The following EPHA5 variants were observed in gnomAD, a reference collection of about 807,000 sequenced individuals.
The protein encoded by EPHA5 is EPH receptor A5.
A neutral mutation model predicts 105.0 loss-of-function variants in EPHA5; 60 were observed. The ratio of observed to expected loss-of-function variants is 0.57; its 90% CI spans 0.46 to 0.71. The LOEUF (loss-of-function observed/expected upper bound fraction) is 0.71, where lower values mean the gene tolerates loss of function less well. Ranked by LOEUF, EPHA5 falls within the 30% of genes least tolerant of loss-of-function variation. EPHA5 has a pLI of 0.00. For missense variants in EPHA5, 1,218 were observed against 1,274.7 expected, an observed-to-expected ratio of 0.96 and a Z score of 0.68; for synonymous variants, 513 against 449.1, an observed-to-expected ratio of 1.14 and a Z score of -1.80.
chr4:65,354,065 T>G (rs1723078501), intron 11 of EPHA5, among the ~76,000 whole-genome samples: 1 of 151,736 alleles, frequency 6.6e-6, no homozygotes, highest in Non-Finnish European at 1.5e-5. Context: ...TCAATTCTTA[T>G]CTCTGTGCCT....
At chr4:65,536,766 A>T (rs1308772707) in intron 3 of EPHA5, among the ~76,000 whole-genome samples, 1 of 151,426 alleles carries the variant, frequency 6.6e-6, no homozygotes, top group Non-Finnish European at 1.5e-5. Flanking sequence ...AAAAAAATTC[A>T]CTGTTCCTAA....
At chr4:65,343,621 A>G (rs1191236664) in intron 14 of EPHA5, among the ~76,000 whole-genome samples, 1 of 152,214 alleles carries the variant, frequency 6.6e-6, no homozygotes, top group Non-Finnish European at 1.5e-5. Context: ...CATTAAATAT[A>G]GTTGATTTGT....
At chr4:65,468,777 G>A (rs996313089) in intron 5 of EPHA5, among the ~76,000 whole-genome samples, 2 of 149,694 alleles carry the variant, frequency 1.3e-5, no homozygotes, top group East Asian at 1.9e-4. Flanking sequence ...TAATAGACAA[G>A]CTTTCACAAA....
At chr4:65,648,397 A>G (rs577714627) in intron 1 of EPHA5, among the ~76,000 whole-genome samples, 1 of 152,188 alleles carries the variant, frequency 6.6e-6, no homozygotes, top group Non-Finnish European at 1.5e-5. Context: ...GTGTTTTCAG[A>G]CTTTGAAGAG....
At chr4:65,352,301 C>T (rs1180315619) in intron 12 of EPHA5, among the ~76,000 whole-genome samples, 1 of 151,938 alleles carries the variant, frequency 6.6e-6, no homozygotes, top group Admixed American at 6.6e-5. Context: ...GCATAGGTCC[C>T]TCTTACAATT....
chr4:65,344,024 T>C (rs1469863912), intron 14 of EPHA5, among the ~76,000 whole-genome samples: 3 of 152,044 alleles, frequency 2.0e-5, no homozygotes, highest in Non-Finnish European at 2.9e-5. Context: ...AAGAAAGTAC[T>C]ATGAGAGTAA....
At chr4:65,578,434 G>A (rs1180482795) in intron 3 of EPHA5, among the ~76,000 whole-genome samples, 1 of 152,170 alleles carries the variant, frequency 6.6e-6, no homozygotes, top group Non-Finnish European at 1.5e-5. Flanking sequence ...GAGCCAGGCT[G>A]TGTTGGGCCT....
At chr4:65,484,946 A>G (rs1244230410) in intron 5 of EPHA5, among the ~76,000 whole-genome samples, 2 of 152,052 alleles carry the variant, frequency 1.3e-5, no homozygotes, top group Non-Finnish European at 2.9e-5. Flanking sequence ...AGAACAGAAC[A>G]ACAGAAGTGT....
At chr4:65,338,856 T>A (rs1378105272) in intron 14 of EPHA5, among the ~76,000 whole-genome samples, 2 of 152,120 alleles carry the variant, frequency 1.3e-5, no homozygotes, top group African/African-American at 4.8e-5. Flanking sequence ...CTACCAAAAA[T>A]GACCAAAGTG....
At chr4:65,410,798 C>T (rs893161444) in intron 7 of EPHA5, among the ~76,000 whole-genome samples, 1 of 152,046 alleles carries the variant, frequency 6.6e-6, no homozygotes, top group Non-Finnish European at 1.5e-5. Flanking sequence ...TCATTATTTC[C>T]TCATTCAGAC....
intron 5 of EPHA5, among the ~76,000 whole-genome samples, chr4:65,484,557 G>C (rs1429820625): frequency 6.6e-6 from 1 of 152,080 alleles, no homozygotes; most frequent in Non-Finnish European, 1.5e-5. Flanking sequence ...CTGGAAAAAG[G>C]TTCCAAGAGT....
intron 5 of EPHA5, among the ~76,000 whole-genome samples, chr4:65,466,669 T>C (rs998348870): frequency 1.3e-4 from 20 of 152,190 alleles, no homozygotes; most frequent in Non-Finnish European, 2.6e-4. Context: ...ATTACAGCTA[T>C]ATTTAGGTGT....
At chr4:65,532,618 T>TA (rs397801064) in intron 3 of EPHA5, among the ~76,000 whole-genome samples, 4 of 150,664 alleles carry the variant, frequency 2.7e-5, no homozygotes, top group South Asian at 2.1e-4. Flanking sequence ...TTTTTTTTTT[T>TA]ACTTTCAACT....
chr4:65,647,770 T>G (rs187956214), intron 1 of EPHA5, among the ~76,000 whole-genome samples: 1 of 152,288 alleles, frequency 6.6e-6, no homozygotes, highest in East Asian at 1.9e-4. Context: ...ATAATTATGA[T>G]TAAGATGGAC....
chr4:65,589,641 G>C (rs185961216), intron 3 of EPHA5, among the ~76,000 whole-genome samples: 1 of 152,162 alleles, frequency 6.6e-6, no homozygotes, highest in Admixed American at 6.5e-5. Context: ...AACCAAGAGA[G>C]CAAACACAGA....
chr4:65,328,462 G>A (rs1167795029), intron 16 of EPHA5, among the ~76,000 whole-genome samples: 1 of 151,204 alleles, frequency 6.6e-6, no homozygotes, highest in Non-Finnish European at 1.5e-5. Flanking sequence ...TCTATCTACA[G>A]ATGATTCATT....
At chr4:65,462,204 T>C (rs1728192749) in intron 5 of EPHA5, among the ~76,000 whole-genome samples, 1 of 152,170 alleles carries the variant, frequency 6.6e-6, no homozygotes, top group South Asian at 2.1e-4. Context: ...TAGGTTCAAA[T>C]TCTGAATTCT....
intron 1 of EPHA5, among the ~76,000 whole-genome samples, chr4:65,655,101 A>G (rs4267783): frequency 1.2e-4 from 18 of 151,764 alleles, no homozygotes; most frequent in Middle Eastern, 3.5e-3. Context: ...TAATGTACAT[A>G]GTGTTACCTG....
At chr4:65,552,331 C>T (rs1383730653) in intron 3 of EPHA5, among the ~76,000 whole-genome samples, 1 of 152,154 alleles carries the variant, frequency 6.6e-6, no homozygotes, top group Non-Finnish European at 1.5e-5. Flanking sequence ...ACGGTTTATC[C>T]GTTATTACTG....
Sources: gnomAD v4.1 joint callset for allele counts (sites outside exome capture counted in the v4.1 genomes callset) on GRCh38, gnomAD v4.1.1 for gene constraint, MANE v1.5 for transcripts, NCBI Gene and HGNC (gene_info 2026-07-23, HGNC 2026-07-21) for gene names.